Variants in ARHGAP21 observed in about 807,000 individuals in gnomAD.
ARHGAP21 encodes the protein Rho GTPase activating protein 21, also known as rho GTPase-activating protein 21.
Under a neutral mutation model 164.6 loss-of-function variants are expected in ARHGAP21, and 38 were observed. That is an observed-to-expected ratio of 0.23 (90% CI 0.18 to 0.30). The LOEUF (loss-of-function observed/expected upper bound fraction) is 0.30. Ranked by LOEUF, ARHGAP21 falls within the 10% of genes least tolerant of loss-of-function variation. The probability of loss-of-function intolerance (pLI) is 1.00; values close to 1 mark genes in which losing one functional copy is unlikely to be tolerated. For synonymous variants in ARHGAP21, 766 were observed against 857.9 expected (o/e 0.89, Z 1.87); for missense variants, 1,822 against 2,370.7 (o/e 0.77, Z 4.81).
chr10:24,667,122 A>G (rs972260926), intron 3 of ARHGAP21, 113 bp from the exon 4 acceptor site: 8 of 534,984 alleles, frequency 1.5e-5, no homozygotes, highest in African/African-American at 8.0e-5. Context: ...GCCAATTACA[A>G]TCTCACTAAC....
chr10:24,648,762 A>G (rs527612742), intron 4 of ARHGAP21: 1 of 962,358 alleles, frequency 1.0e-6, no homozygotes, highest in Admixed American at 6.4e-5. Context: ...CTAAGCAATA[A>G]GAGCAAAACT....
At chr10:24,713,028 C>A (rs1162550465) in intron 2 of ARHGAP21, among the ~76,000 whole-genome samples, 1 of 151,862 alleles carries the variant, frequency 6.6e-6, no homozygotes, top group African/African-American at 2.4e-5. Context: ...ACTAGCTATG[C>A]CACATTCAGA....
intron 22 of ARHGAP21, 69 bp from the exon 23 acceptor site, chr10:24,591,752 G>C: frequency 6.2e-7 from 1 of 1,601,034 alleles, no homozygotes; most frequent in East Asian, 2.2e-5. Flanking sequence ...TTGGAGGATA[G>C]TATAGAAAAA....
chr10:24,625,465 G>A (rs1593073055), intron 7 of ARHGAP21, among the ~76,000 whole-genome samples: 2 of 152,268 alleles, frequency 1.3e-5, no homozygotes, highest in South Asian at 2.1e-4. Context: ...TGCCAGCATA[G>A]GGAATGGGAG....
intron 12 of ARHGAP21, among the ~76,000 whole-genome samples, chr10:24,603,966 T>C (rs1333913701): frequency 6.9e-6 from 1 of 144,790 alleles, no homozygotes; most frequent in Non-Finnish European, 1.5e-5. Context: ...TTTTTGGGGA[T>C]GATAAATAAG....
chr10:24,691,789 AG>A (rs2132022110), intron 2 of ARHGAP21, among the ~76,000 whole-genome samples: 1 of 152,354 alleles, frequency 6.6e-6, no homozygotes, highest in South Asian at 2.1e-4. Flanking sequence ...ATGCCAGAGA[AG>A]CCCAATAATA....
chr10:24,709,736 CT>C (rs1376622146), intron 2 of ARHGAP21, among the ~76,000 whole-genome samples: 9 of 137,660 alleles, frequency 6.5e-5, no homozygotes, highest in Non-Finnish European at 1.1e-4. Context: ...AAAACCTTCT[CT>C]TAAAAAAAAA....
chr10:24,590,661 C>T, intron 24 of ARHGAP21: 1 of 1,346,052 alleles, frequency 7.4e-7, no homozygotes, highest in Non-Finnish European at 9.5e-7. Context: ...CTTAACCAAG[C>T]ATTAGGGTGG....
At chr10:24,695,566 C>CAAAA (rs34010661) in intron 2 of ARHGAP21, among the ~76,000 whole-genome samples, 3 of 127,962 alleles carry the variant, frequency 2.3e-5, no homozygotes, top group African/African-American at 9.1e-5. Flanking sequence ...GAGACTGCGT[C>CAAAA]AAAAAAAAAA....
intron 4 of ARHGAP21, among the ~76,000 whole-genome samples, chr10:24,658,595 G>A (rs1316106537): frequency 6.6e-6 from 1 of 152,076 alleles, no homozygotes; most frequent in Non-Finnish European, 1.5e-5. Context: ...ACCAAACACT[G>A]CATGTTCTCA....
intron 9 of ARHGAP21, among the ~76,000 whole-genome samples, chr10:24,615,244 C>T (rs1172174379): frequency 2.0e-5 from 3 of 152,122 alleles, no homozygotes; most frequent in Admixed American, 2.0e-4. Context: ...AAAAGAGCAT[C>T]TAAAATTATT....
At chr10:24,680,267 A>T (rs1841643623) in intron 2 of ARHGAP21, among the ~76,000 whole-genome samples, 1 of 151,978 alleles carries the variant, frequency 6.6e-6, no homozygotes, top group Non-Finnish European at 1.5e-5. Flanking sequence ...CAGCTTTTTG[A>T]TCTAATTTAT....
intron 2 of ARHGAP21, among the ~76,000 whole-genome samples, chr10:24,693,357 C>CAA (rs1336051772): frequency 6.7e-6 from 1 of 149,964 alleles, no homozygotes; most frequent in Admixed American, 6.6e-5. Context: ...TTTTTTGAGA[C>CAA]AGAGTTTTGC....
At chr10:24,616,696 T>C (rs927958795) in intron 9 of ARHGAP21, among the ~76,000 whole-genome samples, 1 of 152,112 alleles carries the variant, frequency 6.6e-6, no homozygotes, top group Non-Finnish European at 1.5e-5. Flanking sequence ...TTTGTATTAC[T>C]AGTAATGAGT....
At chr10:24,679,286 T>A (rs1020863161) in intron 2 of ARHGAP21, among the ~76,000 whole-genome samples, 1 of 152,192 alleles carries the variant, frequency 6.6e-6, no homozygotes, top group Non-Finnish European at 1.5e-5. Flanking sequence ...CAGTGTTTGG[T>A]GAAGGCCTAC....
intron 2 of ARHGAP21, among the ~76,000 whole-genome samples, chr10:24,720,107 C>T (rs1383014849): frequency 6.6e-6 from 1 of 151,956 alleles, no homozygotes; most frequent in Non-Finnish European, 1.5e-5. Flanking sequence ...CAGTAAGGTC[C>T]AAATGAAAAC....
intron 2 of ARHGAP21, among the ~76,000 whole-genome samples, chr10:24,707,979 A>T (rs1382409939): frequency 6.6e-6 from 1 of 152,220 alleles, no homozygotes; most frequent in African/African-American, 2.4e-5. Context: ...GCCTGTATAC[A>T]GCAGTGTTTC....
chr10:24,616,289 T>A lies in ARHGAP21; in HGVS notation c.2422+3184A>T, dbSNP rs904052491. The stretch of plus-strand genomic sequence containing the variant: ...TTATAAACAGACTATTTGCTAAGAC[T>A]CAGCCTGAATTAGTATTAAAGAAGG... On this transcript the variant is annotated intron_variant, in intron 9 of 25. Transcript: ENST00000396432. Among the ~76,000 whole-genome samples, 11 of 152,322 alleles carry A rather than the reference T, an allele frequency of 7.2e-5. No individual in the cohort carries two copies. In the South Asian group the frequency reaches 2.3e-3, roughly 32 times the overall value.
At chr10:24,589,774 C>T (rs898632419) in intron 24 of ARHGAP21, 2 of 162,160 alleles carry the variant, frequency 1.2e-5, no homozygotes, top group Admixed American at 6.4e-5. Context: ...CTTAAATTTT[C>T]TGAGCATTAT....
Sources: allele counts gnomAD v4.1 joint callset (sites outside exome capture counted in the v4.1 genomes callset), GRCh38; gene constraint gnomAD v4.1.1; transcripts MANE v1.5; gene names NCBI Gene and HGNC (gene_info 2026-07-23, HGNC 2026-07-21).